The following DTNBP1 variants were observed in gnomAD, a reference collection of about 807,000 sequenced individuals.
The protein encoded by DTNBP1 is dysbindin.
In DTNBP1, 35 loss-of-function variants were observed where a neutral mutation model predicts 42.8. That is an observed-to-expected ratio of 0.82 (90% CI 0.63 to 1.09). DTNBP1 has a LOEUF of 1.09. DTNBP1 is among the 50% of genes least tolerant of loss of function. The probability of loss-of-function intolerance (pLI) is 0.00; values close to 1 mark genes in which losing one functional copy is unlikely to be tolerated. For missense variants in DTNBP1, 457 were observed against 424.2 expected (o/e 1.08, Z -0.68); for synonymous variants, 171 against 162.2 (o/e 1.05, Z -0.41).
chr6:15,523,471 C>G (rs1041986388), intron 9 of DTNBP1: 1 of 1,302,996 alleles, frequency 7.7e-7, no homozygotes, highest in Non-Finnish European at 9.9e-7. Context: ...TCAAGTGCTC[C>G]TAAGGCTGTA....
intron 7 of DTNBP1, among the ~76,000 whole-genome samples, chr6:15,543,304 A>G (rs955460636): frequency 2.0e-5 from 3 of 152,214 alleles, no homozygotes; most frequent in Non-Finnish European, 2.9e-5. Flanking sequence ...CCTCAGTGCT[A>G]ACATCTTACA....
chr6:15,555,180 CAT>C (rs1774440060), intron 7 of DTNBP1, among the ~76,000 whole-genome samples: 1 of 149,640 alleles, frequency 6.7e-6, no homozygotes, highest in Non-Finnish European at 1.5e-5. Flanking sequence ...CACTCCCCTA[CAT>C]AAATACGCAC....
At chr6:15,525,413 A>C (rs1772316915) in intron 8 of DTNBP1, among the ~76,000 whole-genome samples, 1 of 152,090 alleles carries the variant, frequency 6.6e-6, no homozygotes, top group African/African-American at 2.4e-5. Flanking sequence ...TTCTGGAAGG[A>C]CTCTCCCTTA....
intron 3 of DTNBP1, among the ~76,000 whole-genome samples, chr6:15,650,294 T>C (rs1344506182): frequency 6.6e-6 from 1 of 152,208 alleles, no homozygotes; most frequent in Non-Finnish European, 1.5e-5. Flanking sequence ...TTTTTTGAGA[T>C]GGAGTTTCGC....
intron 6 of DTNBP1, among the ~76,000 whole-genome samples, chr6:15,602,325 T>C (rs913472744): frequency 5.9e-5 from 9 of 152,190 alleles, no homozygotes; most frequent in African/African-American, 1.2e-4. Flanking sequence ...TGTTTTCTTG[T>C]TGCTGACTTC....
intron 7 of DTNBP1, among the ~76,000 whole-genome samples, chr6:15,549,517 A>AG (rs1381882746): frequency 6.8e-5 from 10 of 146,970 alleles, no homozygotes; most frequent in Admixed American, 6.1e-4. Context: ...AAAAAAAAAA[A>AG]GGGAACCGAA....
chr6:15,639,337 A>C (rs1760206833), intron 3 of DTNBP1, among the ~76,000 whole-genome samples: 1 of 152,242 alleles, frequency 6.6e-6, no homozygotes, highest in African/African-American at 2.4e-5. Context: ...TAAAACTTCT[A>C]AACTACTATT....
Position 15,533,248 on chromosome 6 carries a change from TCTGCAATCTGCAGGTAGCCA to T in DTNBP1, c.639_658del (p.Gly214AlafsTer53). 1 of 1,613,962 alleles carries T rather than the reference TCTGCAATCTGCAGGTAGCCA, an allele frequency of 6.2e-7. No individual in the cohort carries two copies. Among genetic ancestry groups the T allele is most frequent in the Non-Finnish European group, 8.5e-7 (1 of 1,180,006 alleles). ...CCCCAGCCCCCACTCGCCTCGCCGC[TCTGCAATCTGCAGGTAGCCA>T]GTGGACAGGTACTGCTCCATGTCCT... On this transcript the variant is annotated frameshift_variant, in exon 8 of 10. Coordinates refer to ENST00000344537, the MANE Select transcript of DTNBP1 (RefSeq NM_032122.5). LOFTEE classifies it high-confidence loss of function.
intron 7 of DTNBP1, among the ~76,000 whole-genome samples, chr6:15,562,345 T>G (rs1466326486): frequency 6.6e-6 from 1 of 152,228 alleles, no homozygotes; most frequent in African/African-American, 2.4e-5. Flanking sequence ...TCTGTTTCTC[T>G]ATAATCTAAA....
At chr6:15,534,625 A>T (rs1773100413) in intron 7 of DTNBP1, among the ~76,000 whole-genome samples, 1 of 139,600 alleles carries the variant, frequency 7.2e-6, no homozygotes, top group Non-Finnish European at 1.5e-5. Context: ...TTGCCACTGC[A>T]CTCCAGCCTG....
intron 8 of DTNBP1, among the ~76,000 whole-genome samples, chr6:15,527,692 AAAAAAGCTT>A (rs1772499373): frequency 6.6e-6 from 1 of 152,206 alleles, no homozygotes; most frequent in Non-Finnish European, 1.5e-5. Flanking sequence ...TCTTTAGGGG[AAAAAAGCTT>A]AAAAATGGTT....
chr6:15,570,255 T>C (rs1775285052), intron 7 of DTNBP1, among the ~76,000 whole-genome samples: 1 of 152,208 alleles, frequency 6.6e-6, no homozygotes, highest in African/African-American at 2.4e-5. Flanking sequence ...CTCATTTCTG[T>C]TCCAAAATGC....
At chr6:15,557,608 A>T (rs6918834) in intron 7 of DTNBP1, among the ~76,000 whole-genome samples, 125,787 of 152,132 alleles carry the variant, frequency 0.83, 52,510 homozygotes, top group East Asian at 1. Flanking sequence ...CATAGTACAC[A>T]AATACAAAGG....
intron 7 of DTNBP1, among the ~76,000 whole-genome samples, chr6:15,557,692 C>CAAAAAAGAGGCAGG (rs1168957993): frequency 5.3e-5 from 8 of 151,858 alleles, no homozygotes; most frequent in Non-Finnish European, 1.2e-4. Context: ...GCCTAAGCTA[C>CAAAAAAGAGGCAGG]AAAAAAGAGG....
intron 1 of DTNBP1, among the ~76,000 whole-genome samples, chr6:15,656,556 C>G (rs1761292906): frequency 6.6e-6 from 1 of 152,028 alleles, no homozygotes; most frequent in African/African-American, 2.4e-5. Context: ...TGTAAATAAG[C>G]CTGGGCAACA....
intron 7 of DTNBP1, among the ~76,000 whole-genome samples, chr6:15,536,104 T>G (rs1364094506): frequency 6.6e-6 from 1 of 152,210 alleles, no homozygotes; most frequent in East Asian, 1.9e-4. Flanking sequence ...AGGAGATAGT[T>G]TGAACTTGGA....
intron 7 of DTNBP1, among the ~76,000 whole-genome samples, chr6:15,539,410 G>A (rs1206079493): frequency 3.3e-5 from 5 of 152,148 alleles, no homozygotes; most frequent in Admixed American, 6.5e-5. Context: ...CACTCCTAGC[G>A]CCTCTTGGCA....
chr6:15,652,167 T>C, intron 1 of DTNBP1, 27 bp from the exon 2 acceptor site: 2 of 1,519,836 alleles, frequency 1.3e-6, no homozygotes, highest in Non-Finnish European at 1.8e-6. Flanking sequence ...AATATAATAT[T>C]TTTACAAGTC....
At chr6:15,584,933 G>A (rs1476424314) in intron 7 of DTNBP1, among the ~76,000 whole-genome samples, 2 of 147,582 alleles carry the variant, frequency 1.4e-5, no homozygotes, top group East Asian at 3.9e-4. Flanking sequence ...TTTGCAGTAA[G>A]TTCCACAACT....
Sources: allele counts gnomAD v4.1 joint callset (sites outside exome capture counted in the v4.1 genomes callset), GRCh38; gene constraint gnomAD v4.1.1; transcripts MANE v1.5; gene names NCBI Gene and HGNC (gene_info 2026-07-23, HGNC 2026-07-21).